Variants in EML1 observed in about 807,000 individuals in gnomAD.
EML1 encodes the protein EMAP like 1.
Under a neutral mutation model 110.4 loss-of-function variants are expected in EML1, and 27 were observed. The ratio of observed to expected loss-of-function variants is 0.24; its 90% CI spans 0.18 to 0.34. The LOEUF (loss-of-function observed/expected upper bound fraction) is 0.34. Among genes scored for constraint, EML1 ranks in the 10% least tolerant of loss-of-function variants. The pLI, the probability that EML1 is intolerant of heterozygous loss-of-function variation, is 1.00. For synonymous variants in EML1, 344 were observed against 385.8 expected, an observed-to-expected ratio of 0.89 and a Z score of 1.27; for missense variants, 741 against 1,030.9, an observed-to-expected ratio of 0.72 and a Z score of 3.85.
chr14:99,780,667 C>T lies in EML1; in HGVS notation c.-27+6654C>T, dbSNP rs148263633. ...ATGAGTGGGTCAGGGATGGACTGCA[C>T]GTATGATGATGGTCCCATAAGGTTA... On this transcript the variant is annotated intron_variant, in intron 1 of 22. Transcript: ENST00000327921. 1.3e-3 allele frequency among the ~76,000 whole-genome samples: 192 copies of T among 152,212 alleles called. 3 individuals carry two copies. The highest frequency in any genetic ancestry group is 4.3e-3 in the African/African-American group (180 of 41,518).
intron 1 of EML1, among the ~76,000 whole-genome samples, chr14:99,785,727 T>C (rs771332009): frequency 2.0e-5 from 3 of 152,148 alleles, no homozygotes; most frequent in Non-Finnish European, 4.4e-5. Context: ...GTTCCCTGTT[T>C]TTCTGTGTTA....
chr14:99,898,454 A>G (rs2059706950), intron 8 of EML1, 152 bp downstream of exon 8: 2 of 753,324 alleles, frequency 2.7e-6, no homozygotes, highest in East Asian at 5.7e-5. Flanking sequence ...ATTGTAAATT[A>G]GAAGACTTAT....
Position 99,937,932 on chromosome 14 carries a change from C to T in EML1, c.2191+20C>T, listed in dbSNP as rs2060504870. On this transcript the variant is annotated intron_variant, in intron 20 of 21. Transcript: ENST00000262233. ...TTTTTGGTAAGTTTGCTGCAGATTT[C>T]ACTGGTTCCAACAAAAGAGTGTCTC... 6.2e-7 allele frequency: 1 copy of T among 1,604,860 alleles called. No homozygotes were observed. Among genetic ancestry groups the T allele is most frequent in the African/African-American group, 1.3e-5 (1 of 74,668 alleles).
At chr14:99,888,909 C>T (rs1433323117) in intron 4 of EML1, among the ~76,000 whole-genome samples, 8 of 152,112 alleles carry the variant, frequency 5.3e-5, no homozygotes, top group African/African-American at 7.2e-5. Context: ...GTTCAGAGTC[C>T]TCAGGGGCTC....
intron 9 of EML1, among the ~76,000 whole-genome samples, chr14:99,902,089 C>T (rs772630507): frequency 1.1e-4 from 16 of 152,088 alleles, no homozygotes; most frequent in Non-Finnish European, 2.1e-4. Context: ...AGTCAGAAGA[C>T]GTCAGTATGG....
intron 1 of EML1, among the ~76,000 whole-genome samples, chr14:99,813,222 G>A (rs552442798): frequency 2.6e-5 from 4 of 152,174 alleles, no homozygotes; most frequent in South Asian, 4.2e-4. Context: ...AACAGGGGAC[G>A]GTCTCACGCA....
At chr14:99,798,799 A>T (rs1462824309) in intron 1 of EML1, among the ~76,000 whole-genome samples, 3 of 152,198 alleles carry the variant, frequency 2.0e-5, no homozygotes, top group Non-Finnish European at 4.4e-5. Context: ...CTTTACATGT[A>T]CTATGGCTAA....
At chr14:99,924,181 T>G (rs945280457) in intron 17 of EML1, among the ~76,000 whole-genome samples, 2 of 71,674 alleles carry the variant, frequency 2.8e-5, no homozygotes, top group Non-Finnish European at 7.1e-5. Context: ...AAAATAAGTG[T>G]TTTTTTTATG....
chr14:99,787,106 G>A (rs574209157), intron 1 of EML1, among the ~76,000 whole-genome samples: 2 of 152,270 alleles, frequency 1.3e-5, no homozygotes, highest in East Asian at 3.9e-4. Context: ...CAAGTGGGTT[G>A]GAGGCCGCAG....
chr14:99,762,047 T>G (rs1288361128), intron 1 of EML1, among the ~76,000 whole-genome samples: 4 of 151,482 alleles, frequency 2.6e-5, no homozygotes, highest in Non-Finnish European at 5.9e-5. Flanking sequence ...ATTAGGGAAA[T>G]ATGTGGAGGT....
At chr14:99,864,750 G>A (rs1209905081) in intron 2 of EML1, among the ~76,000 whole-genome samples, 2 of 150,480 alleles carry the variant, frequency 1.3e-5, no homozygotes, top group East Asian at 3.9e-4. Context: ...AGACCGAGTT[G>A]GCTGAGATTG....
chr14:99,811,884 G>A (rs1434688510), intron 1 of EML1, among the ~76,000 whole-genome samples: 3 of 151,750 alleles, frequency 2.0e-5, no homozygotes, highest in Non-Finnish European at 4.4e-5. Flanking sequence ...GAAAATACAT[G>A]TACTATTCAT....
intron 1 of EML1, among the ~76,000 whole-genome samples, chr14:99,757,138 G>A (rs985403804): frequency 4.6e-5 from 7 of 152,318 alleles, no homozygotes; most frequent in East Asian, 3.9e-4. Flanking sequence ...TCGGCAGTTC[G>A]AGTCCAGCCT....
chr14:99,925,420 C>A (rs1028942732), intron 17 of EML1, among the ~76,000 whole-genome samples: 2 of 152,010 alleles, frequency 1.3e-5, no homozygotes, highest in African/African-American at 2.4e-5. Flanking sequence ...CCACCACACC[C>A]AGCTAATTTT....
chr14:99,779,799 C>G (rs2146239), intron 1 of EML1, among the ~76,000 whole-genome samples: 59,589 of 152,106 alleles, frequency 0.39, 13,642 homozygotes, highest in South Asian at 0.55. Flanking sequence ...GCTTCCCCTC[C>G]CCTCTGGTAT....
intron 1 of EML1, among the ~76,000 whole-genome samples, chr14:99,775,011 A>T (rs1004990612): frequency 2.0e-5 from 3 of 151,772 alleles, no homozygotes; most frequent in Non-Finnish European, 2.9e-5. Flanking sequence ...TTTTCTGTTT[A>T]AAAAAAAATA....
chr14:99,817,827 C>T (rs897152010), intron 1 of EML1, among the ~76,000 whole-genome samples: 4 of 152,268 alleles, frequency 2.6e-5, no homozygotes, highest in African/African-American at 9.6e-5. Flanking sequence ...AAAACCTTCT[C>T]GTAAGTGCCA....
intron 9 of EML1, chr14:99,907,062 A>T (rs1240404851): frequency 6.6e-6 from 1 of 152,484 alleles, no homozygotes; most frequent in Non-Finnish European, 1.5e-5. Flanking sequence ...CATGGAACCC[A>T]GTGGTGAAGA....
chr14:99,793,185 G>A (rs1360775311), upstream of EML1, among the ~76,000 whole-genome samples: 2 of 147,170 alleles, frequency 1.4e-5, no homozygotes, highest in Admixed American at 6.7e-5. Flanking sequence ...GCTCCCCGCG[G>A]GGAAAGAGGC....
Sources: allele counts gnomAD v4.1 joint callset (sites outside exome capture counted in the v4.1 genomes callset), GRCh38; gene constraint gnomAD v4.1.1; transcripts MANE v1.5; gene names NCBI Gene and HGNC (gene_info 2026-07-23, HGNC 2026-07-21).